The following LRRC69 variants were observed in gnomAD, a reference collection of about 807,000 sequenced individuals.
LRRC69 encodes leucine-rich repeat-containing protein 69.
A neutral mutation model predicts 37.8 loss-of-function variants in LRRC69; 42 were observed. The observed-to-expected ratio is 1.11, with a 90% CI of 0.87 to 1.44. The LOEUF is 1.44. Ranked by LOEUF, LRRC69 falls within the 40% of genes most tolerant of loss-of-function variation. The pLI is 0.00. For synonymous variants in LRRC69, 141 were observed against 143.1 expected, an observed-to-expected ratio of 0.99 and a Z score of 0.11; for missense variants, 357 against 401.9, an observed-to-expected ratio of 0.89 and a Z score of 0.96.
intron 1 of LRRC69, among the ~76,000 whole-genome samples, chr8:91,115,935 AG>A (rs1813503271): frequency 3.3e-5 from 5 of 151,988 alleles, no homozygotes; most frequent in African/African-American, 1.2e-4. Flanking sequence ...TCACTCCTGC[AG>A]GTAAGCCTAA....
intron 5 of LRRC69, among the ~76,000 whole-genome samples, chr8:91,161,608 A>G (rs1430921136): frequency 6.6e-6 from 1 of 151,090 alleles, no homozygotes; most frequent in Non-Finnish European, 1.5e-5. Flanking sequence ...ATCTCTAATG[A>G]TCCTTTGCGT....
chr8:91,194,315 G>T (rs1233013953), intron 6 of LRRC69, among the ~76,000 whole-genome samples: 7 of 149,856 alleles, frequency 4.7e-5, no homozygotes, highest in Admixed American at 6.6e-5. Context: ...TCTCTTTTTT[G>T]GTTGTGTCTC....
chr8:91,172,773 A>G (rs925637806), intron 5 of LRRC69, among the ~76,000 whole-genome samples: 2 of 152,010 alleles, frequency 1.3e-5, no homozygotes, highest in African/African-American at 2.4e-5. Context: ...TCAGCCTCCC[A>G]AAGTGCTGGA....
chr8:91,208,757 A>G (rs1175454246), intron 7 of LRRC69, among the ~76,000 whole-genome samples: 2 of 152,098 alleles, frequency 1.3e-5, no homozygotes, highest in Non-Finnish European at 2.9e-5. Context: ...GGTAGGAGCC[A>G]TATGTTCTGC....
intron 7 of LRRC69, among the ~76,000 whole-genome samples, chr8:91,217,495 G>A (rs571526504): frequency 6.6e-6 from 1 of 152,108 alleles, no homozygotes; most frequent in African/African-American, 2.4e-5. Flanking sequence ...GAATGTCCTG[G>A]GGCTGATGTT....
At chr8:91,112,999 CACAA>C (rs1334005992) in intron 1 of LRRC69, among the ~76,000 whole-genome samples, 1 of 151,754 alleles carries the variant, frequency 6.6e-6, no homozygotes, top group African/African-American at 2.4e-5. Flanking sequence ...ATAAAGTACT[CACAA>C]ACAACCAAAC....
Position 91,158,457 on chromosome 8 carries a change from ATGGAAGAAT to A in LRRC69, c.651+22719_651+22727del, listed in dbSNP as rs1808879221. On this transcript the variant is annotated intron_variant, in intron 5 of 7. Transcript: ENST00000448384. ...GAAAGCAATAAAATGCATGCTGTTA[ATGGAAGAAT>A]GTTTGGAAACCCACAAGGCCTCACA... is the stretch of plus-strand genomic sequence containing the variant. 3.1e-6 allele frequency: 4 copies of A among 1,275,584 alleles called. No homozygotes were observed. In the South Asian group the frequency reaches 4.8e-5, roughly 15 times the overall value. The allele number at this position is 1,275,584 out of a possible 1,614,324, so 79.0% of individuals were successfully genotyped here. A position where few individuals can be genotyped will look rare whatever the true frequency, so the allele number is the denominator to read the frequency against.
intron 5 of LRRC69, among the ~76,000 whole-genome samples, chr8:91,148,768 T>G (rs1032443596): frequency 6.6e-6 from 1 of 151,890 alleles, no homozygotes; most frequent in Non-Finnish European, 1.5e-5. Flanking sequence ...TTTTAATGAT[T>G]GCCATTCTAA....
rs1282954845 is a variant in LRRC69, at chr8:91,131,127, T to C, written c.384-1983T>C. ...GATTATCTTGATTGCTGTAGCTGCA[T>C]TGTAAGTTTTGAAATCAGGTAAAGT... is the stretch of plus-strand genomic sequence containing the variant. On this transcript the variant is annotated intron_variant, in intron 3 of 7. Transcript: ENST00000448384. Among the ~76,000 whole-genome samples the C allele has an allele frequency of 5.3e-5, 8 of 152,062 alleles. 1 individual carries two copies. Among genetic ancestry groups the C allele is most frequent in the Middle Eastern group, 3.2e-3 (1 of 316 alleles).
At chr8:91,196,392 G>T (rs1809601336) in intron 6 of LRRC69, among the ~76,000 whole-genome samples, 1 of 151,802 alleles carries the variant, frequency 6.6e-6, no homozygotes, top group Non-Finnish European at 1.5e-5. Context: ...ACGTTGGCCT[G>T]CCTTGCTAGA....
intron 1 of LRRC69, among the ~76,000 whole-genome samples, chr8:91,110,810 T>C (rs1011152034): frequency 3.9e-5 from 6 of 152,086 alleles, no homozygotes; most frequent in Non-Finnish European, 5.9e-5. Context: ...ACATATGATA[T>C]GCACTACATT....
chr8:91,116,842 CTGTA>C (rs1181331438), intron 1 of LRRC69, among the ~76,000 whole-genome samples: 2 of 152,138 alleles, frequency 1.3e-5, no homozygotes, highest in Non-Finnish European at 1.5e-5. Flanking sequence ...CATTAATAAT[CTGTA>C]TGTTTTCTCC....
intron 4 of LRRC69, among the ~76,000 whole-genome samples, chr8:91,135,198 A>G (rs1813888123): frequency 6.6e-6 from 1 of 152,056 alleles, no homozygotes; most frequent in African/African-American, 2.4e-5. Flanking sequence ...ACTTAAGAAG[A>G]GGACTCCCTT....
intron 7 of LRRC69, among the ~76,000 whole-genome samples, chr8:91,206,989 G>T (rs1249504231): frequency 6.6e-6 from 1 of 152,192 alleles, no homozygotes; most frequent in African/African-American, 2.4e-5. Context: ...TACTTCAGCT[G>T]AACTTAAGAC....
At chr8:91,158,135 C>G (rs1586254326) in intron 5 of LRRC69, 1 of 1,598,016 alleles carries the variant, frequency 6.3e-7, no homozygotes, top group Admixed American at 1.7e-5. Context: ...AGGTGAAACT[C>G]TCACTTACCT....
intron 5 of LRRC69, among the ~76,000 whole-genome samples, chr8:91,182,288 T>G (rs894983202): frequency 1.3e-5 from 2 of 152,152 alleles, no homozygotes; most frequent in African/African-American, 4.8e-5. Flanking sequence ...TTACTCAGTA[T>G]CATATCAGGA....
chr8:91,127,080 T>C lies in LRRC69; in HGVS notation c.311-8T>C, dbSNP rs1419376871. 1 of 1,543,866 alleles carries C rather than the reference T, an allele frequency of 6.5e-7. No individual in the cohort carries two copies. The highest frequency in any genetic ancestry group is 1.2e-5 in the South Asian group (1 of 83,522). On this transcript the variant is annotated splice_polypyrimidine_tract_variant and splice_region_variant and intron_variant, in intron 2 of 7. Transcript: ENST00000448384. ...ATGGCTAAAGTGACTAAAATTATTT[T>C]CTAACAGATGGCTTACAAAATTTAA...
chr8:91,133,342 GAGA>G, intron 4 of LRRC69, 37 bp downstream of exon 4: 2 of 1,422,370 alleles, frequency 1.4e-6, no homozygotes, highest in South Asian at 2.9e-5. Flanking sequence ...TTTGCTGTTG[GAGA>G]AGAACTCAAC....
intron 5 of LRRC69, among the ~76,000 whole-genome samples, chr8:91,178,857 C>A (rs777189195): frequency 2.0e-5 from 3 of 152,188 alleles, no homozygotes; most frequent in Non-Finnish European, 2.9e-5. Context: ...TGGCAGGGGG[C>A]CATGGCAGTT....
Sources: allele counts gnomAD v4.1 joint callset (sites outside exome capture counted in the v4.1 genomes callset), GRCh38; gene constraint gnomAD v4.1.1; transcripts MANE v1.5; gene names NCBI Gene and HGNC (gene_info 2026-07-23, HGNC 2026-07-21).